Variants in MED12L observed in about 807,000 individuals in gnomAD.
MED12L encodes the protein mediator of RNA polymerase II transcription subunit 12-like protein.
MED12L carries 60 observed loss-of-function variants against 281.3 expected under a neutral mutation model. That is an observed-to-expected ratio of 0.21 (90% CI 0.17 to 0.26). The LOEUF is 0.26. MED12L is among the 10% of genes least tolerant of loss of function. The pLI is 1.00. For missense variants in MED12L, 2,146 were observed against 2,680.9 expected (o/e 0.80, Z 4.41); for synonymous variants, 974 against 987.2 (o/e 0.99, Z 0.25).
chr3:151,149,204 G>A (rs565021424), intron 5 of MED12L, among the ~76,000 whole-genome samples: 1 of 152,190 alleles, frequency 6.6e-6, no homozygotes, highest in Admixed American at 6.5e-5. Flanking sequence ...TGTCAGAGAC[G>A]GGAGACAAAG....
At chr3:151,317,508 T>A (rs2149805694) in intron 16 of MED12L, among the ~76,000 whole-genome samples, 1 of 137,812 alleles carries the variant, frequency 7.3e-6, no homozygotes, top group Non-Finnish European at 1.5e-5. Flanking sequence ...TGGTATGCAG[T>A]GGCATGATCT....
At chr3:151,354,856 G>A (rs1487771692) in intron 17 of MED12L, among the ~76,000 whole-genome samples, 1 of 152,168 alleles carries the variant, frequency 6.6e-6, no homozygotes, top group Non-Finnish European at 1.5e-5. Context: ...TAAAGTTCCA[G>A]TGTAGGCAAT....
chr3:151,219,259 C>CT (rs1728853306), intron 16 of MED12L, among the ~76,000 whole-genome samples: 1 of 152,212 alleles, frequency 6.6e-6, no homozygotes, highest in African/African-American at 2.4e-5. Flanking sequence ...TCAGGGTTCT[C>CT]TCTTTGGACA....
At chr3:151,397,624 G>A (rs1715146823) in intron 39 of MED12L, among the ~76,000 whole-genome samples, 1 of 152,164 alleles carries the variant, frequency 6.6e-6, no homozygotes, top group Non-Finnish European at 1.5e-5. Context: ...AAGCAATATT[G>A]ATCAATTGTT....
At chr3:151,128,058 A>G in intron 5 of MED12L, 74 bp downstream of exon 5, 9 of 1,317,176 alleles carry the variant, frequency 6.8e-6, no homozygotes, top group Non-Finnish European at 9.7e-6. Context: ...TACCCTCTGG[A>G]TACAGCCCAG....
intron 16 of MED12L, among the ~76,000 whole-genome samples, chr3:151,266,424 C>T (rs761873943): frequency 3.9e-5 from 6 of 152,148 alleles, no homozygotes; most frequent in African/African-American, 1.2e-4. Context: ...TAGTGTTGAG[C>T]GAACGGACTT....
intron 16 of MED12L, among the ~76,000 whole-genome samples, chr3:151,288,036 T>G (rs1743768280): frequency 6.6e-6 from 1 of 152,222 alleles, no homozygotes; most frequent in Non-Finnish European, 1.5e-5. Flanking sequence ...AGATCTGGGA[T>G]TCTATATTGC....
intron 27 of MED12L, among the ~76,000 whole-genome samples, chr3:151,374,069 CT>C (rs1342730670): frequency 6.6e-6 from 1 of 152,152 alleles, no homozygotes; most frequent in African/African-American, 2.4e-5. Flanking sequence ...GTGTTTTCCC[CT>C]AATTCATATT....
At chr3:151,400,558 C>G (rs55667597) in intron 39 of MED12L, among the ~76,000 whole-genome samples, 38,883 of 151,914 alleles carry the variant, frequency 0.26, 5,302 homozygotes, top group South Asian at 0.38. Context: ...GGAGCAGGTC[C>G]CATCATTTGT....
chr3:151,388,848 A>G (rs937036731), intron 37 of MED12L, among the ~76,000 whole-genome samples: 15 of 152,360 alleles, frequency 9.8e-5, no homozygotes, highest in Non-Finnish European at 1.9e-4. Context: ...GAAGTAATGC[A>G]TAAAATGTTT....
chr3:151,116,064 CAAAAAA>C (rs59017489), intron 2 of MED12L, among the ~76,000 whole-genome samples: 5 of 92,266 alleles, frequency 5.4e-5, no homozygotes, highest in African/African-American at 8.2e-5. Context: ...ACTCCATCTC[CAAAAAA>C]AAAAAAAAAA....
intron 2 of MED12L, among the ~76,000 whole-genome samples, chr3:151,102,889 G>A (rs1371109802): frequency 1.3e-5 from 2 of 152,280 alleles, no homozygotes; most frequent in East Asian, 3.9e-4. Flanking sequence ...ATTGAGGTGG[G>A]AAAGAAGGAT....
intron 16 of MED12L, among the ~76,000 whole-genome samples, chr3:151,277,234 A>G (rs1334689313): frequency 1.3e-5 from 2 of 151,846 alleles, no homozygotes; most frequent in African/African-American, 4.8e-5. Context: ...AGACATGACA[A>G]TATAGAGTTC....
intron 16 of MED12L, among the ~76,000 whole-genome samples, chr3:151,246,601 A>G (rs1336540967): frequency 1.3e-5 from 2 of 152,188 alleles, no homozygotes; most frequent in Non-Finnish European, 2.9e-5. Flanking sequence ...CCTTTCTTAC[A>G]CCTTATACAA....
At chr3:151,136,840 T>C (rs1343102955) in intron 5 of MED12L, among the ~76,000 whole-genome samples, 1 of 152,168 alleles carries the variant, frequency 6.6e-6, no homozygotes, top group African/African-American at 2.4e-5. Flanking sequence ...TCCACAGTGG[T>C]GAAAAATGTT....
At chr3:151,248,873 C>G (rs527248845) in intron 16 of MED12L, 1 of 152,226 alleles carries the variant, frequency 6.6e-6, no homozygotes, top group South Asian at 2.1e-4. Context: ...ACCAATTTTT[C>G]CAGTCTTTTA....
At chr3:151,141,166 G>GTTT (rs750239134) in intron 5 of MED12L, among the ~76,000 whole-genome samples, 2 of 98,122 alleles carry the variant, frequency 2.0e-5, no homozygotes, top group African/African-American at 1.1e-4. Context: ...CGTGCCTGGC[G>GTTT]TTTTTTTTTT....
chr3:151,417,091 T>G (rs1717651410), intron 43 of MED12L, among the ~76,000 whole-genome samples: 2 of 152,344 alleles, frequency 1.3e-5, no homozygotes, highest in Middle Eastern at 6.8e-3. Flanking sequence ...CATCCATAAT[T>G]ATATCACTTG....
chr3:151,275,903 G>A (rs570347559), intron 16 of MED12L, among the ~76,000 whole-genome samples: 15 of 152,178 alleles, frequency 9.9e-5, no homozygotes, highest in South Asian at 2.1e-4. Flanking sequence ...TTAGTATTGC[G>A]GGGTGATGGT....
Sources: gnomAD v4.1 joint callset for allele counts (sites outside exome capture counted in the v4.1 genomes callset) on GRCh38, gnomAD v4.1.1 for gene constraint, MANE v1.5 for transcripts, NCBI Gene and HGNC (gene_info 2026-07-23, HGNC 2026-07-21) for gene names.